The following NBAS variants were observed in gnomAD, a reference collection of about 807,000 sequenced individuals.
The protein encoded by NBAS is NAG/BC035112 fusion.
NBAS carries 219 observed loss-of-function variants against 302.5 expected under a neutral mutation model. The observed-to-expected ratio is 0.72, with a 90% CI of 0.65 to 0.81. The LOEUF (loss-of-function observed/expected upper bound fraction) is 0.81, where lower values mean the gene tolerates loss of function less well. Among genes scored for constraint, NBAS ranks in the 30% least tolerant of loss-of-function variants. NBAS has a pLI of 0.00. For missense variants in NBAS, 2,932 were observed against 2,841.6 expected, an observed-to-expected ratio of 1.03 and a Z score of -0.72; for synonymous variants, 1,118 against 1,021.6, an observed-to-expected ratio of 1.09 and a Z score of -1.80.
intron 38 of NBAS, among the ~76,000 whole-genome samples, chr2:15,326,373 T>C (rs116672489): frequency 6.6e-4 from 101 of 152,286 alleles, no homozygotes; most frequent in African/African-American, 2.3e-3. Flanking sequence ...AAAAATATCG[T>C]ATAAACCAAT....
At chr2:15,287,456 T>C (rs1275020475) in intron 41 of NBAS, among the ~76,000 whole-genome samples, 1 of 152,190 alleles carries the variant, frequency 6.6e-6, no homozygotes, top group African/African-American at 2.4e-5. Flanking sequence ...TTTGACAATG[T>C]CTGAAAACAT....
intron 48 of NBAS, among the ~76,000 whole-genome samples, chr2:15,204,434 T>C (rs541601301): frequency 4.4e-4 from 67 of 152,220 alleles, no homozygotes; most frequent in African/African-American, 1.1e-3. Flanking sequence ...AAGTTTCTTA[T>C]TGACAGAGAG....
chr2:15,287,137 G>T lies in NBAS; in HGVS notation c.5074C>A (p.Arg1692Ser). ...VYSIAISLAQ[R>S]YSVSRWEVFM... ...ACTTCCCAGCGGGAGACACTGTAAC[G>T]TTGTGCCAGAGAAATAGCAATGCTG... Residue 1692 changes from arginine (R) to serine (S), a missense_variant, in exon 42 of 52, where the codon CGT becomes AGT. By Grantham distance (110) the Arg-to-Ser change is moderately radical. Transcript: ENST00000281513. The T allele has an allele frequency of 1.2e-6, 2 of 1,614,102 alleles. No homozygotes were observed. Among genetic ancestry groups the T allele is most frequent in the Non-Finnish European group, 1.7e-6 (2 of 1,179,978 alleles).
chr2:14,972,000 T>C, the NBAS span, among the ~76,000 whole-genome samples: 10,647 of 152,160 alleles, frequency 0.07, 441 homozygotes, highest in East Asian at 0.097. Context: ...TATAAGGACC[T>C]GTCCATTTCA....
At chr2:15,512,340 C>T (rs1447846519) in intron 9 of NBAS, among the ~76,000 whole-genome samples, 1 of 152,140 alleles carries the variant, frequency 6.6e-6, no homozygotes, top group Admixed American at 6.5e-5. Flanking sequence ...TGTATGCCCA[C>T]TGGTAGTAGT....
the NBAS span, among the ~76,000 whole-genome samples, chr2:14,877,751 T>C: frequency 6.6e-6 from 1 of 152,290 alleles, no homozygotes; most frequent in East Asian, 1.9e-4. Flanking sequence ...AGGGTTCAAA[T>C]TTGCAGACAC....
chr2:15,538,843 A>G (rs753191973), intron 7 of NBAS, among the ~76,000 whole-genome samples: 8 of 152,316 alleles, frequency 5.3e-5, no homozygotes, highest in Non-Finnish European at 1.2e-4. Context: ...ACAAATTACT[A>G]CTACCATTTG....
chr2:15,547,705 C>T (rs1664181538), intron 6 of NBAS, among the ~76,000 whole-genome samples: 1 of 152,118 alleles, frequency 6.6e-6, no homozygotes, highest in Non-Finnish European at 1.5e-5. Flanking sequence ...ATCTTAGGCC[C>T]CCCAAGCTCT....
chr2:15,297,715 G>A (rs764840273), intron 40 of NBAS, among the ~76,000 whole-genome samples: 1 of 152,178 alleles, frequency 6.6e-6, no homozygotes, highest in Non-Finnish European at 1.5e-5. Context: ...TTATAGCAGT[G>A]TGCGAGTGAA....
chr2:15,540,740 T>G (rs1196346445), intron 6 of NBAS, among the ~76,000 whole-genome samples: 2 of 143,238 alleles, frequency 1.4e-5, no homozygotes, highest in Non-Finnish European at 3.1e-5. Context: ...TTTTTTTTTT[T>G]GAGATAGAGT....
At chr2:15,476,054 A>AT (rs1447528755) in intron 13 of NBAS, among the ~76,000 whole-genome samples, 174 bp from the exon 14 acceptor site, 1 of 152,346 alleles carries the variant, frequency 6.6e-6, no homozygotes, top group East Asian at 1.9e-4. Flanking sequence ...ATTTTACTCT[A>AT]TGAGGTATAA....
the NBAS span, among the ~76,000 whole-genome samples, chr2:15,034,599 C>G: frequency 6.6e-6 from 1 of 152,208 alleles, no homozygotes. Flanking sequence ...CCTGTACACT[C>G]AGCAATAACT....
chr2:14,981,598 G>A, the NBAS span, among the ~76,000 whole-genome samples: 4,727 of 152,220 alleles, frequency 0.031, 250 homozygotes, highest in African/African-American at 0.1. Flanking sequence ...AGCCCTCTTT[G>A]TATCTGGGCT....
At chr2:15,440,431 G>C (rs1471689122) in intron 21 of NBAS, among the ~76,000 whole-genome samples, 1 of 152,172 alleles carries the variant, frequency 6.6e-6, no homozygotes, top group African/African-American at 2.4e-5. Flanking sequence ...AACTCCAACA[G>C]ACCTGCAGCT....
At chr2:15,050,103 A>C in the NBAS span, among the ~76,000 whole-genome samples, 1 of 152,110 alleles carries the variant, frequency 6.6e-6, no homozygotes, top group Non-Finnish European at 1.5e-5. Context: ...AGTTAACCAG[A>C]AATCTAGCTT....
chr2:14,804,770 T>C, the NBAS span, among the ~76,000 whole-genome samples: 1 of 152,198 alleles, frequency 6.6e-6, no homozygotes. Flanking sequence ...ATAATTCAGA[T>C]AGGTGTATGT....
At chr2:15,271,102 G>A (rs891340615) in intron 44 of NBAS, among the ~76,000 whole-genome samples, 7 of 152,206 alleles carry the variant, frequency 4.6e-5, no homozygotes, top group Middle Eastern at 3.4e-3. Flanking sequence ...TGCTTTTTAA[G>A]ATTAATTTAT....
the NBAS span, among the ~76,000 whole-genome samples, chr2:14,846,094 T>G: frequency 3.9e-5 from 6 of 152,062 alleles, no homozygotes; most frequent in African/African-American, 1.2e-4. Context: ...GAAGCCTACC[T>G]CAAGGCATTT....
chr2:15,205,973 A>G (rs188280018), intron 48 of NBAS, among the ~76,000 whole-genome samples: 1 of 152,318 alleles, frequency 6.6e-6, no homozygotes, highest in East Asian at 1.9e-4. Flanking sequence ...ATAGTGGGGC[A>G]CTGATATAAA....
Sources: gnomAD v4.1 joint callset for allele counts (sites outside exome capture counted in the v4.1 genomes callset) on GRCh38, gnomAD v4.1.1 for gene constraint, MANE v1.5 for transcripts, NCBI Gene and HGNC (gene_info 2026-07-23, HGNC 2026-07-21) for gene names.